NRXN3: variants seen among roughly 807,000 people sequenced by gnomAD.
NRXN3 encodes neurexin 3.
Under a neutral mutation model 137.6 loss-of-function variants are expected in NRXN3, and 32 were observed. That is an observed-to-expected ratio of 0.23 (90% CI 0.18 to 0.31). The LOEUF is 0.31. Among genes scored for constraint, NRXN3 ranks in the 10% least tolerant of loss-of-function variants. NRXN3 has a pLI of 1.00. For synonymous variants in NRXN3, 798 were observed against 784.5 expected (o/e 1.02, Z -0.29); for missense variants, 1,574 against 2,062.5 (o/e 0.76, Z 4.59).
At chr14:78,838,787 A>G (rs1442203072) in intron 10 of NRXN3, among the ~76,000 whole-genome samples, 1 of 152,058 alleles carries the variant, frequency 6.6e-6, no homozygotes. Context: ...TTGATTGGGC[A>G]CTTCCATCTA....
intron 4 of NRXN3, chr14:78,614,974 C>A (rs767985437): frequency 8.8e-6 from 4 of 456,430 alleles, no homozygotes; most frequent in Admixed American, 2.4e-5. Flanking sequence ...GTGTTAGGCC[C>A]GGGAAGAACA....
intron 8 of NRXN3, among the ~76,000 whole-genome samples, chr14:78,720,762 T>C (rs2098456087): frequency 6.6e-6 from 1 of 152,230 alleles, no homozygotes; most frequent in Non-Finnish European, 1.5e-5. Context: ...CTTTAGAATA[T>C]TAAAGTTAAA....
At chr14:78,786,157 C>T (rs1247533533) in intron 8 of NRXN3, among the ~76,000 whole-genome samples, 1 of 152,074 alleles carries the variant, frequency 6.6e-6, no homozygotes, top group African/African-American at 2.4e-5. Flanking sequence ...TTGCTAGATC[C>T]TCAAGGTCTG....
At position 78,490,074 on chromosome 14, in the gene NRXN3, C is replaced by G. The variant is rs2095637468; in HGVS notation, c.758-155046C>G. On this transcript the variant is annotated intron_variant, in intron 4 of 20. Coordinates refer to ENST00000335750, the MANE Select transcript of NRXN3 (RefSeq NM_001330195.2). ...GGACTGCAGGCACATGCCACCATGC[C>G]TGGCTAATTTTTGTATTTTTAGTAG... Among the ~76,000 whole-genome samples the G allele has an allele frequency of 2.0e-5, 3 of 152,084 alleles. No individual in the cohort carries two copies. The South Asian group carries it at 6.2e-4, about 32-fold the overall frequency.
At chr14:78,699,383 A>G (rs1330121137) in intron 6 of NRXN3, among the ~76,000 whole-genome samples, 1 of 152,232 alleles carries the variant, frequency 6.6e-6, no homozygotes, top group Non-Finnish European at 1.5e-5. Flanking sequence ...AGTGAGGACT[A>G]GATCAGGAAG....
At chr14:79,462,240 G>C (rs1205966665) in intron 15 of NRXN3, among the ~76,000 whole-genome samples, 2 of 151,952 alleles carry the variant, frequency 1.3e-5, no homozygotes, top group African/African-American at 2.4e-5. Context: ...AGGTGTGGTG[G>C]TGCATGCCTG....
At chr14:78,542,994 T>G (rs997495805) in intron 4 of NRXN3, among the ~76,000 whole-genome samples, 1 of 152,046 alleles carries the variant, frequency 6.6e-6, no homozygotes, top group Non-Finnish European at 1.5e-5. Flanking sequence ...GAACTAAACT[T>G]AGGGCTTGAG....
chr14:78,348,411 G>A (rs926671315), intron 4 of NRXN3, among the ~76,000 whole-genome samples: 1 of 152,204 alleles, frequency 6.6e-6, no homozygotes, highest in Non-Finnish European at 1.5e-5. Context: ...TTGCGATAAG[G>A]ATTCCAAGAT....
chr14:78,356,222 G>A (rs988672995), intron 4 of NRXN3, among the ~76,000 whole-genome samples: 11 of 152,166 alleles, frequency 7.2e-5, no homozygotes, highest in Non-Finnish European at 1.2e-4. Context: ...TGGATATTAC[G>A]TAGATGTGAT....
intron 15 of NRXN3, among the ~76,000 whole-genome samples, chr14:79,086,394 T>C (rs1406786841): frequency 6.6e-6 from 1 of 152,180 alleles, no homozygotes; most frequent in Non-Finnish European, 1.5e-5. Context: ...TAAGCTTCCC[T>C]TGTAATTTCT....
intron 4 of NRXN3, among the ~76,000 whole-genome samples, chr14:78,587,788 T>G (rs1157683783): frequency 6.6e-6 from 1 of 152,220 alleles, no homozygotes; most frequent in Non-Finnish European, 1.5e-5. Flanking sequence ...AATATAATTA[T>G]TGTTATATTA....
At chr14:78,467,469 C>T (rs539143462) in intron 4 of NRXN3, among the ~76,000 whole-genome samples, 5 of 152,248 alleles carry the variant, frequency 3.3e-5, no homozygotes, top group South Asian at 4.1e-4. Context: ...TCTTTGTGGA[C>T]GATGTGAATA....
intron 10 of NRXN3, among the ~76,000 whole-genome samples, chr14:78,844,403 G>A (rs2152457334): frequency 6.6e-6 from 1 of 152,038 alleles, no homozygotes; most frequent in East Asian, 1.9e-4. Flanking sequence ...ATTAAGACAG[G>A]GACTCATCTT....
chr14:78,830,754 A>T (rs1203558908), intron 10 of NRXN3, among the ~76,000 whole-genome samples: 1 of 151,874 alleles, frequency 6.6e-6, no homozygotes, highest in Non-Finnish European at 1.5e-5. Context: ...TCTCTTCTCT[A>T]GTTGGCAGCA....
At chr14:79,822,432 T>G (rs1297854140) in intron 20 of NRXN3, among the ~76,000 whole-genome samples, 1 of 152,186 alleles carries the variant, frequency 6.6e-6, no homozygotes, top group African/African-American at 2.4e-5. Flanking sequence ...AAAAGCAGCA[T>G]TTTGTTACTA....
intron 10 of NRXN3, among the ~76,000 whole-genome samples, chr14:78,880,929 C>T (rs746423768): frequency 5.9e-5 from 9 of 152,084 alleles, no homozygotes; most frequent in Non-Finnish European, 1.3e-4. Flanking sequence ...TCCCATAATC[C>T]CCATGTATCA....
At chr14:79,270,397 G>A (rs1046427905) in intron 15 of NRXN3, among the ~76,000 whole-genome samples, 1 of 152,154 alleles carries the variant, frequency 6.6e-6, no homozygotes, top group African/African-American at 2.4e-5. Flanking sequence ...TCTCCTATGG[G>A]CCTAAAACTG....
At chr14:78,469,810 T>G (rs931898166) in intron 4 of NRXN3, among the ~76,000 whole-genome samples, 5 of 152,240 alleles carry the variant, frequency 3.3e-5, no homozygotes. Flanking sequence ...CACCATTTCC[T>G]TTGAGAAGGT....
At chr14:79,771,339 C>T (rs997470158) in intron 19 of NRXN3, among the ~76,000 whole-genome samples, 4 of 152,182 alleles carry the variant, frequency 2.6e-5, no homozygotes, top group African/African-American at 9.7e-5. Flanking sequence ...GAATTTTAGA[C>T]CAGTATCCTT....
Sources: gnomAD v4.1 joint callset for allele counts (sites outside exome capture counted in the v4.1 genomes callset) on GRCh38, gnomAD v4.1.1 for gene constraint, MANE v1.5 for transcripts, NCBI Gene and HGNC (gene_info 2026-07-23, HGNC 2026-07-21) for gene names.